Variants in WWOX observed in about 807,000 individuals in gnomAD.
WWOX encodes WW domain-containing oxidoreductase.
In WWOX, 69 loss-of-function variants were observed where a neutral mutation model predicts 46.2. That is an observed-to-expected ratio of 1.49 (90% CI 1.23 to 1.82). The LOEUF (loss-of-function observed/expected upper bound fraction) is 1.82, where lower values mean the gene tolerates loss of function less well. Among genes scored for constraint, WWOX ranks in the 40% most tolerant of loss-of-function variants. The probability of loss-of-function intolerance (pLI) is 0.00; values close to 1 mark genes in which losing one functional copy is unlikely to be tolerated. For synonymous variants in WWOX, 359 were observed against 202.6 expected (o/e 1.77, Z -6.56); for missense variants, 919 against 542.6 (o/e 1.69, Z -6.89).
At chr16:78,216,459 A>G (rs1010256777) in intron 5 of WWOX, among the ~76,000 whole-genome samples, 3 of 152,150 alleles carry the variant, frequency 2.0e-5, no homozygotes, top group African/African-American at 7.2e-5. Flanking sequence ...GAAGTCCTAC[A>G]GGGTTCTCCT....
intron 8 of WWOX, among the ~76,000 whole-genome samples, chr16:78,490,379 C>T (rs777653628): frequency 3.9e-5 from 6 of 152,140 alleles, no homozygotes; most frequent in Non-Finnish European, 7.3e-5. Flanking sequence ...TGTATGTGCA[C>T]ATGTGTTTAT....
At chr16:78,624,617 C>T (rs2046268406) in intron 8 of WWOX, among the ~76,000 whole-genome samples, 1 of 152,134 alleles carries the variant, frequency 6.6e-6, no homozygotes, top group Admixed American at 6.5e-5. Context: ...TTCAGAAAAT[C>T]ACTCATTTCT....
intron 8 of WWOX, among the ~76,000 whole-genome samples, chr16:78,548,834 T>G (rs993116529): frequency 1.3e-5 from 2 of 152,196 alleles, no homozygotes; most frequent in African/African-American, 4.8e-5. Flanking sequence ...CTGCAGCCCG[T>G]TAACTGGTCA....
intron 8 of WWOX, among the ~76,000 whole-genome samples, chr16:79,132,954 G>A (rs75667747): frequency 3.9e-5 from 6 of 152,268 alleles, no homozygotes; most frequent in East Asian, 3.9e-4. Context: ...TCGCCTCCTC[G>A]ATCTTGCCTG....
intron 8 of WWOX, among the ~76,000 whole-genome samples, chr16:78,724,717 A>G (rs72799097): frequency 0.01 from 1,558 of 152,254 alleles, 17 homozygotes; most frequent in Non-Finnish European, 0.017. Context: ...CGCACTCTGT[A>G]AGCTCTGAAT....
rs554031993 is a variant in WWOX, at chr16:78,343,944, C to T, written c.517-42916C>T. Among the ~76,000 whole-genome samples, 8 of 120,614 alleles carry T rather than the reference C, an allele frequency of 6.6e-5. 1 individual carries two copies. Among genetic ancestry groups the T allele is most frequent in the Non-Finnish European group, 7.9e-5 (4 of 50,486 alleles). The allele number at this position is 120,614 out of a possible 152,430, so 79.1% of individuals were successfully genotyped here. A position where few individuals can be genotyped will look rare whatever the true frequency, so the allele number is the denominator to read the frequency against. Reference sequence around the variant, plus strand: ...GAGCAATGTAGTCTAAATGTGGTTGCATCATCTTCTTTCTTCCTTTGCCTT... The same window carrying T: ...GAGCAATGTAGTCTAAATGTGGTTGTATCATCTTCTTTCTTCCTTTGCCTT... On this transcript the variant is annotated intron_variant, in intron 5 of 8. Transcript: ENST00000566780.
chr16:78,408,910 G>C (rs1432197822), intron 6 of WWOX, among the ~76,000 whole-genome samples: 1 of 151,970 alleles, frequency 6.6e-6, no homozygotes, highest in Non-Finnish European at 1.5e-5. Context: ...TGTGTAAGCA[G>C]GGAACAGAAA....
Position 79,188,324 on chromosome 16 carries a change from C to G in WWOX, c.1057-23284C>G, listed in dbSNP as rs761157590. 1.2e-3 allele frequency among the ~76,000 whole-genome samples: 180 copies of G among 152,220 alleles called. 2 individuals are homozygous for G. The highest frequency in any genetic ancestry group is 1.9e-4 in the Non-Finnish European group (13 of 68,034). On this transcript the variant is annotated intron_variant, in intron 8 of 8. Transcript: ENST00000566780. ...GGCCTCGTGTTTGTGGTTTTAGACA[C>G]AGCTTTGAGTCGTGACCGGTGTGGC...
intron 8 of WWOX, among the ~76,000 whole-genome samples, chr16:78,927,264 A>G (rs2045519746): frequency 2.6e-5 from 4 of 152,188 alleles, no homozygotes. Context: ...TCCGAGCTTC[A>G]GGGAAAGAAC....
intron 8 of WWOX, among the ~76,000 whole-genome samples, chr16:78,508,941 T>G (rs562924252): frequency 6.6e-6 from 1 of 152,250 alleles, no homozygotes; most frequent in East Asian, 1.9e-4. Flanking sequence ...TGGCTGGCTG[T>G]TCAAAAGTAT....
chr16:78,267,958 T>C (rs2151843436), intron 5 of WWOX, among the ~76,000 whole-genome samples: 2 of 152,246 alleles, frequency 1.3e-5, no homozygotes, highest in South Asian at 4.2e-4. Flanking sequence ...GCTGGGACTA[T>C]AGGTGCGTGC....
chr16:79,172,615 G>A (rs1477300037), intron 8 of WWOX, among the ~76,000 whole-genome samples: 1 of 152,168 alleles, frequency 6.6e-6, no homozygotes, highest in African/African-American at 2.4e-5. Context: ...CCCTCCCTCG[G>A]AATCTGGTGA....
intron 8 of WWOX, among the ~76,000 whole-genome samples, chr16:78,669,488 G>A (rs1181791982): frequency 6.6e-6 from 1 of 152,196 alleles, no homozygotes; most frequent in Non-Finnish European, 1.5e-5. Flanking sequence ...AATGGGTCAA[G>A]GCCAGTGATG....
At chr16:79,052,043 T>C (rs1325847000) in intron 8 of WWOX, among the ~76,000 whole-genome samples, 1 of 147,474 alleles carries the variant, frequency 6.8e-6, no homozygotes, top group Admixed American at 6.9e-5. Context: ...TTTTAATTTT[T>C]TTTTTTTAAT....
intron 8 of WWOX, among the ~76,000 whole-genome samples, chr16:79,073,990 A>T (rs1015750762): frequency 3.8e-4 from 50 of 131,390 alleles, no homozygotes; most frequent in African/African-American, 1.2e-3. Context: ...GTTATTTGCC[A>T]AAGGTCTGAG....
At chr16:78,687,885 C>G (rs183774308) in intron 8 of WWOX, among the ~76,000 whole-genome samples, 1 of 151,952 alleles carries the variant, frequency 6.6e-6, no homozygotes, top group Non-Finnish European at 1.5e-5. Context: ...TAGCTAGAAA[C>G]GCATGTTAAA....
intron 8 of WWOX, among the ~76,000 whole-genome samples, chr16:78,543,931 C>G (rs1386569443): frequency 2.6e-5 from 4 of 152,052 alleles, no homozygotes; most frequent in Admixed American, 6.6e-5. Context: ...AACAGCCTGC[C>G]ATAAATTTCT....
rs553384882 is a variant in WWOX at position 78,229,111 on chromosome 16, T to C, written c.516+64822T>C. On this transcript the variant is annotated intron_variant, in intron 5 of 8. Transcript: ENST00000566780. ...CCTCTCTGTAGCTTCTTCCAGCATG[T>C]GATCATACATCTACCTAACCTCTCC... is the stretch of plus-strand genomic sequence containing the variant. Among the ~76,000 whole-genome samples, 25 of 152,292 alleles carry C rather than the reference T, an allele frequency of 1.6e-4. No individual in the cohort carries two copies. The East Asian group carries it at 1.9e-3, about 12-fold the overall frequency.
intron 5 of WWOX, among the ~76,000 whole-genome samples, chr16:78,169,114 C>T (rs1321081752): frequency 2.0e-5 from 3 of 152,114 alleles, no homozygotes; most frequent in Non-Finnish European, 4.4e-5. Flanking sequence ...TGTGGAACAG[C>T]ACACAGATGT....
Sources: allele counts gnomAD v4.1 joint callset (sites outside exome capture counted in the v4.1 genomes callset), GRCh38; gene constraint gnomAD v4.1.1; transcripts MANE v1.5; gene names NCBI Gene and HGNC (gene_info 2026-07-23, HGNC 2026-07-21).